FKTN: variants seen among roughly 807,000 people sequenced by gnomAD.
The protein encoded by FKTN is fukutin, also known as ribitol-5-phosphate transferase FKTN.
FKTN carries 47 observed loss-of-function variants against 58.6 expected under a neutral mutation model. The observed-to-expected ratio is 0.80, with a 90% CI of 0.63 to 1.02. The LOEUF (loss-of-function observed/expected upper bound fraction) is 1.02. Among genes scored for constraint, FKTN ranks in the 50% least tolerant of loss-of-function variants. The probability of loss-of-function intolerance (pLI) is 0.00; values close to 1 mark genes in which losing one functional copy is unlikely to be tolerated. For missense variants in FKTN, 516 were observed against 537.3 expected (o/e 0.96, Z 0.39); for synonymous variants, 178 against 191.9 (o/e 0.93, Z 0.60).
chr9:105,569,650 T>C (rs1840385568), intron 1 of FKTN, among the ~76,000 whole-genome samples: 1 of 152,220 alleles, frequency 6.6e-6, no homozygotes, highest in South Asian at 2.1e-4. Flanking sequence ...TCTCAGTTCA[T>C]GCACTAGTTA....
intron 1 of FKTN, among the ~76,000 whole-genome samples, chr9:105,564,805 A>G (rs1589183136): frequency 1.3e-5 from 2 of 152,196 alleles, no homozygotes; most frequent in African/African-American, 4.8e-5. Context: ...GAATGCCACA[A>G]AGATACTCCT....
Position 105,563,597 on chromosome 9 carries a change from C to T in FKTN, c.-181+5432C>T, listed in dbSNP as rs540337861. Among the ~76,000 whole-genome samples, 47 of 120,338 alleles carry T rather than the reference C, an allele frequency of 3.9e-4. No individual in the cohort carries two copies. In the East Asian group the frequency reaches 0.016, roughly 41 times the overall value. The allele number at this position is 120,338 out of a possible 152,430, so 78.9% of individuals were successfully genotyped here. A position where few individuals can be genotyped will look rare whatever the true frequency, so the allele number is the denominator to read the frequency against. On this transcript the variant is annotated intron_variant, in intron 1 of 10. Coordinates refer to ENST00000357998, the MANE Select transcript of FKTN (RefSeq NM_001079802.2). ...ATTGAACTGCAACGTGGCAGCGAGGCTGGGGGGGGGGGCACCCGCCATTGC... is the reference window on the plus strand; with the variant it reads ...ATTGAACTGCAACGTGGCAGCGAGGTTGGGGGGGGGGGCACCCGCCATTGC...
At chr9:105,631,113 A>G (rs1369572359) in intron 10 of FKTN, among the ~76,000 whole-genome samples, 4 of 152,218 alleles carry the variant, frequency 2.6e-5, no homozygotes, top group Admixed American at 6.5e-5. Context: ...AGCCTGGGTG[A>G]CAAAGCGAGA....
intron 1 of FKTN, among the ~76,000 whole-genome samples, chr9:105,571,927 G>A (rs1287775054): frequency 6.6e-6 from 1 of 152,132 alleles, no homozygotes; most frequent in Admixed American, 6.5e-5. Context: ...TTGGATTAGG[G>A]ATGTTCAACT....
At chr9:105,576,391 C>T (rs1425400932) in intron 3 of FKTN, among the ~76,000 whole-genome samples, 1 of 151,874 alleles carries the variant, frequency 6.6e-6, no homozygotes, top group Non-Finnish European at 1.5e-5. Flanking sequence ...TTGTTCATTT[C>T]CCACCTATGA....
rs919706958 is a variant in FKTN at position 105,598,221 on chromosome 9, A to C, written c.165+1564A>C. On this transcript the variant is annotated intron_variant, in intron 4 of 10. Coordinates refer to ENST00000357998, the MANE Select transcript of FKTN (RefSeq NM_001079802.2). ...TATACTCTTTTACATTGAGGGGACT[A>C]AAAAAAATTGTAAATGTGGTCACTG... 5 of 380,670 alleles carry C rather than the reference A, an allele frequency of 1.3e-5. 1 individual carries two copies. Among genetic ancestry groups the C allele is most frequent in the African/African-American group, 1.1e-4 (5 of 46,420 alleles). The allele number at this position is 380,670 out of a possible 1,614,324, so 23.6% of individuals were successfully genotyped here.
At chr9:105,566,668 A>T (rs1253359300) in intron 1 of FKTN, among the ~76,000 whole-genome samples, 2 of 152,136 alleles carry the variant, frequency 1.3e-5, no homozygotes, top group Non-Finnish European at 2.9e-5. Context: ...TTACCAACCA[A>T]AAAAAGTCCA....
chr9:105,623,298 A>C (rs1383165321), intron 10 of FKTN: 2 of 152,190 alleles, frequency 1.3e-5, no homozygotes, highest in African/African-American at 4.8e-5. Flanking sequence ...GTGTTATCTT[A>C]TTTAATCCTC....
intron 10 of FKTN, chr9:105,622,932 T>C (rs1373388213): frequency 3.3e-5 from 5 of 152,164 alleles, no homozygotes; most frequent in Non-Finnish European, 7.4e-5. Context: ...CGTCTCATGA[T>C]ACTCATTCCG....
rs34006675 is a variant in FKTN, at chr9:105,604,218, G to A, written c.373G>A (p.Gly125Ser). 21,863 of 1,612,204 alleles carry A rather than the reference G, an allele frequency of 0.014. 389 individuals carry two copies. The highest frequency in any genetic ancestry group is 0.09 in the African/African-American group (6,713 of 74,922). Residue 125 changes from glycine to serine, a missense_variant, in exon 6 of 11, where the codon GGC becomes AGC. Physicochemically the swap from Gly to Ser is moderately conservative, Grantham distance 56. Coordinates refer to ENST00000357998, the MANE Select transcript of FKTN (RefSeq NM_001079802.2). ...LQYHLWKNEE[G>S]WFRIAENMGF... is the part of the protein sequence containing the mutation. ...TTTGATGCTTCTTTGGTTCTAGGAA[G>A]GCTGGTTTCGGATAGCTGAGAATAT...
chr9:105,598,129 G>A (rs1402924134), intron 4 of FKTN: 5 of 468,488 alleles, frequency 1.1e-5, no homozygotes, highest in Non-Finnish European at 2.2e-5. Flanking sequence ...TTTTTTCAAA[G>A]TCTTTACTTC....
intron 3 of FKTN, among the ~76,000 whole-genome samples, chr9:105,581,435 G>A (rs1842877823): frequency 6.7e-6 from 1 of 149,664 alleles, no homozygotes. Flanking sequence ...CTTGTGAGGT[G>A]TCAGTGTGCC....
intron 1 of FKTN, among the ~76,000 whole-genome samples, chr9:105,567,383 G>A (rs1208398487): frequency 6.6e-6 from 1 of 152,148 alleles, no homozygotes; most frequent in Non-Finnish European, 1.5e-5. Context: ...TGACATGATT[G>A]TATATCTAGA....
At position 105,601,022 on chromosome 9, in the gene FKTN, A is replaced by G. The variant is rs966465795; in HGVS notation, c.166-123A>G. The G allele has an allele frequency of 9.2e-6, 6 of 651,872 alleles. No homozygotes were observed. In the African/African-American group the frequency reaches 1.1e-4, roughly 12 times the overall value. The allele number at this position is 651,872 out of a possible 1,614,324, so 40.4% of individuals were successfully genotyped here. A position where few individuals can be genotyped will look rare whatever the true frequency, so the allele number is the denominator to read the frequency against. ...ATCATTTGTATTTTTTAGCACAATG[A>G]TAAGCATGGTATCTATTGGGTAACT... On this transcript the variant is annotated intron_variant, in intron 4 of 10. Coordinates refer to ENST00000357998, the MANE Select transcript of FKTN (RefSeq NM_001079802.2).
intron 3 of FKTN, among the ~76,000 whole-genome samples, chr9:105,583,993 CT>C (rs1270422318): frequency 1.3e-5 from 2 of 152,152 alleles, no homozygotes; most frequent in Non-Finnish European, 1.5e-5. Context: ...TGTCTCAACC[CT>C]TTTCCCTTGG....
At chr9:105,601,841 C>A (rs1827924905) in intron 5 of FKTN, among the ~76,000 whole-genome samples, 1 of 152,144 alleles carries the variant, frequency 6.6e-6, no homozygotes, top group African/African-American at 2.4e-5. Context: ...CCTTTATATT[C>A]CCCAAATGAA....
At chr9:105,588,992 G>C (rs1844384975) in intron 3 of FKTN, among the ~76,000 whole-genome samples, 5 of 152,112 alleles carry the variant, frequency 3.3e-5, no homozygotes, top group Admixed American at 3.3e-4. Flanking sequence ...GACAGTGACT[G>C]CATCTTCCTG....
At chr9:105,615,163 C>A (rs1360249201) in intron 7 of FKTN, 115 bp from the exon 8 acceptor site, 2 of 1,123,860 alleles carry the variant, frequency 1.8e-6, no homozygotes, top group Non-Finnish European at 2.7e-6. Flanking sequence ...GGGTTACAGG[C>A]GTGAGCCACT....
chr9:105,571,813 G>A (rs990229964), intron 1 of FKTN, among the ~76,000 whole-genome samples: 3 of 152,182 alleles, frequency 2.0e-5, no homozygotes, highest in Non-Finnish European at 2.9e-5. Context: ...TATAGGTTGA[G>A]CATCCCAAAT....
Sources: gnomAD v4.1 joint callset for allele counts (sites outside exome capture counted in the v4.1 genomes callset) on GRCh38, gnomAD v4.1.1 for gene constraint, MANE v1.5 for transcripts, NCBI Gene and HGNC (gene_info 2026-07-23, HGNC 2026-07-21) for gene names.